ARHGAP21: variants seen among roughly 807,000 people sequenced by gnomAD.
ARHGAP21 encodes the protein rho GTPase-activating protein 21.
In ARHGAP21, 38 loss-of-function variants were observed where a neutral mutation model predicts 164.6. That is an observed-to-expected ratio of 0.23 (90% CI 0.18 to 0.30). The LOEUF (loss-of-function observed/expected upper bound fraction) is 0.30, where lower values mean the gene tolerates loss of function less well. Among genes scored for constraint, ARHGAP21 ranks in the 10% least tolerant of loss-of-function variants. The pLI is 1.00. For synonymous variants in ARHGAP21, 766 were observed against 857.9 expected (o/e 0.89, Z 1.87); for missense variants, 1,822 against 2,370.7 (o/e 0.77, Z 4.81).
chr10:24,686,478 A>T (rs1286748005), intron 2 of ARHGAP21, among the ~76,000 whole-genome samples: 1 of 152,160 alleles, frequency 6.6e-6, no homozygotes, highest in Admixed American at 6.5e-5. Context: ...TCAAACTGGA[A>T]ACTATGTTGT....
intron 2 of ARHGAP21, among the ~76,000 whole-genome samples, chr10:24,687,455 A>T (rs1842323123): frequency 6.6e-6 from 1 of 152,174 alleles, no homozygotes; most frequent in Admixed American, 6.5e-5. Context: ...TTATTTCCTT[A>T]TTTCTCCATT....
intron 4 of ARHGAP21, chr10:24,640,310 G>A (rs1291504221): frequency 1.3e-5 from 2 of 150,060 alleles, no homozygotes; most frequent in East Asian, 4.0e-4. Flanking sequence ...ATATATATAA[G>A]AAAGAAAGAA....
At position 24,631,869 on chromosome 10, in the gene ARHGAP21, C is replaced by A. The variant is rs190527466; in HGVS notation, c.440+1533G>T. ...TCAGCCTCCCAAGTATCTGGGACAA[C>A]AGACACACACCAGCACGCCCAGCTA... On this transcript the variant is annotated intron_variant, in intron 6 of 25. Transcript: ENST00000396432. Among the ~76,000 whole-genome samples, 46 of 152,258 alleles carry A rather than the reference C, an allele frequency of 3.0e-4. No individual in the cohort carries two copies. The East Asian group carries it at 8.9e-3, about 29-fold the overall frequency.
chr10:24,584,934 A>G lies in ARHGAP21; in HGVS notation c.5355T>C (p.Asn1785=). The G allele has an allele frequency of 6.2e-7, 1 of 1,613,818 alleles. No individual in the cohort carries two copies. The highest frequency in any genetic ancestry group is 8.5e-7 in the Non-Finnish European group (1 of 1,179,846). Residue 1785 remains asparagine (N), a synonymous_variant, in exon 26 of 26, where the codon AAT becomes AAC. Coordinates refer to ENST00000396432, the MANE Select transcript of ARHGAP21 (RefSeq NM_020824.4). The part of the protein sequence containing the change: ...APADDMFGVG[N]HKVNAETAKR... ...TAGCAGTCTCGGCATTCACTTTGTGATTCCCTACTCCAAACATGTCATCCG... is the reference window on the plus strand; with the variant it reads ...TAGCAGTCTCGGCATTCACTTTGTGGTTCCCTACTCCAAACATGTCATCCG...
chr10:24,655,553 C>T (rs1240802844), intron 4 of ARHGAP21, among the ~76,000 whole-genome samples: 1 of 151,904 alleles, frequency 6.6e-6, no homozygotes. Context: ...AGCGGACGGG[C>T]CCCGCGGGGC....
In ARHGAP21 at chr10:24,620,988, A is replaced by G. The variant is rs1834486005; in HGVS notation, c.907T>C (p.Tyr303His). 4 of 1,613,966 alleles carry G rather than the reference A, an allele frequency of 2.5e-6. No individual in the cohort carries two copies. Among genetic ancestry groups the G allele is most frequent in the Non-Finnish European group, 3.4e-6 (4 of 1,179,870 alleles). The change falls in exon 9 of 26, where the codon TAT becomes CAT. Residue 303 changes from tyrosine to histidine, a missense_variant. Tyr to His is a moderately conservative substitution (Grantham distance 83). Transcript: ENST00000396432. ...GPSHRTEEVR[Y>H]GVSEQTSLKT... is the part of the protein sequence containing the mutation. ...AAAGAGGTCTGCTCACTCACGCCAT[A>G]CCTCACTTCTTCAGTTCTATGTGAA...
chr10:24,625,460 G>A (rs1303209463), intron 7 of ARHGAP21, among the ~76,000 whole-genome samples: 1 of 152,128 alleles, frequency 6.6e-6, no homozygotes, highest in African/African-American at 2.4e-5. Context: ...AACCATGCCA[G>A]CATAGGGAAT....
At chr10:24,634,857 C>CAT (rs1490578312) in intron 5 of ARHGAP21, among the ~76,000 whole-genome samples, 154 bp downstream of exon 5, 1 of 151,834 alleles carries the variant, frequency 6.6e-6, no homozygotes, top group East Asian at 1.9e-4. Flanking sequence ...CACCAAGAAA[C>CAT]ATAATTAGTT....
At chr10:24,617,479 G>A (rs1834070029) in intron 9 of ARHGAP21, among the ~76,000 whole-genome samples, 2 of 152,180 alleles carry the variant, frequency 1.3e-5, no homozygotes, top group African/African-American at 2.4e-5. Flanking sequence ...TATTCTAGAT[G>A]ATGTATAAGA....
In ARHGAP21 at chr10:24,584,370, A is replaced by T. The variant is rs778906785; in HGVS notation, c.*42T>A. The T allele has an allele frequency of 3.3e-6, 5 of 1,526,416 alleles. No individual in the cohort carries two copies. The Admixed American group carries it at 6.5e-5, about 20-fold the overall frequency. The allele number at this position is 1,526,416 out of a possible 1,614,324, so 94.6% of individuals were successfully genotyped here. On this transcript the variant is annotated 3_prime_UTR_variant, in exon 26 of 26. Transcript: ENST00000396432. ...TATTGACAGAGTTACTGGAACGTGT[A>T]ACAGTAGTTTTTTTACTTGCTAGAG...
intron 4 of ARHGAP21, among the ~76,000 whole-genome samples, chr10:24,655,982 C>T (rs1838812136): frequency 7.6e-6 from 1 of 130,906 alleles, no homozygotes; most frequent in South Asian, 2.8e-4. Flanking sequence ...GCCTGGCAAC[C>T]ACCCCGTCTG....
At position 24,714,216 on chromosome 10, in the gene ARHGAP21, T is replaced by C. The variant is rs1845136454; in HGVS notation, c.63+7621A>G. On this transcript the variant is annotated intron_variant, in intron 2 of 25. Coordinates refer to ENST00000396432, the MANE Select transcript of ARHGAP21 (RefSeq NM_020824.4). ...ATCTTATCAACGCTAGCATTGCCCA[T>C]ACTTAAATCAGCATATTGTTAACTA... 3 of 152,204 alleles carry C rather than the reference T, an allele frequency of 2.0e-5. No individual in the cohort carries two copies. In the South Asian group the frequency reaches 6.2e-4, roughly 32 times the overall value. 9.4% of individuals were successfully genotyped at this position (152,204 alleles called of 1,614,324 possible).
intron 11 of ARHGAP21, among the ~76,000 whole-genome samples, chr10:24,606,000 A>T (rs1157425276): frequency 6.6e-6 from 1 of 152,212 alleles, no homozygotes; most frequent in Non-Finnish European, 1.5e-5. Flanking sequence ...ATCGGTGGGA[A>T]AAGGATGACA....
At chr10:24,628,958 A>ATATATCTATATATATATC in intron 7 of ARHGAP21, 1 of 10,270 alleles carries the variant, frequency 9.7e-5, no homozygotes, top group South Asian at 3.4e-3. Context: ...CACACTATAT[A>ATATATCTATATATATATC]TATATATATA....
intron 2 of ARHGAP21, among the ~76,000 whole-genome samples, chr10:24,674,287 A>G (rs1840998470): frequency 6.6e-6 from 1 of 152,182 alleles, no homozygotes; most frequent in African/African-American, 2.4e-5. Flanking sequence ...TAATCCCAGC[A>G]CTTTGGGAGG....
intron 4 of ARHGAP21, among the ~76,000 whole-genome samples, chr10:24,656,063 G>A (rs1399653037): frequency 1.5e-3 from 197 of 128,680 alleles, no homozygotes; most frequent in African/African-American, 3.3e-3. Context: ...CCCGGCAGCT[G>A]CCCCGTCTAA....
intron 21 of ARHGAP21, 142 bp from the exon 22 acceptor site, chr10:24,592,154 AGATTT>A: frequency 5.4e-6 from 3 of 552,286 alleles, no homozygotes; most frequent in Non-Finnish European, 5.4e-6. Flanking sequence ...CTTTCTAGCA[AGATTT>A]TTTTTTTTTT....
At chr10:24,649,055 A>G (rs1020270855) in intron 4 of ARHGAP21, among the ~76,000 whole-genome samples, 1 of 152,252 alleles carries the variant, frequency 6.6e-6, no homozygotes, top group Non-Finnish European at 1.5e-5. Flanking sequence ...ATATATGTAT[A>G]TAAGTGAGTT....
At chr10:24,617,597 A>G (rs1245768507) in intron 9 of ARHGAP21, among the ~76,000 whole-genome samples, 1 of 152,024 alleles carries the variant, frequency 6.6e-6, no homozygotes, top group Non-Finnish European at 1.5e-5. Flanking sequence ...GACAACTTGA[A>G]TATATCCGAT....
Sources: gnomAD v4.1 joint callset for allele counts (sites outside exome capture counted in the v4.1 genomes callset) on GRCh38, gnomAD v4.1.1 for gene constraint, MANE v1.5 for transcripts, NCBI Gene and HGNC (gene_info 2026-07-23, HGNC 2026-07-21) for gene names.